SLC11A2: variants seen among roughly 807,000 people sequenced by gnomAD.
The protein encoded by SLC11A2 is solute carrier family 11 member 2, also known as natural resistance-associated macrophage protein 2.
Under a neutral mutation model 68.0 loss-of-function variants are expected in SLC11A2, and 38 were observed. That is an observed-to-expected ratio of 0.56 (90% CI 0.43 to 0.73). The LOEUF (loss-of-function observed/expected upper bound fraction) is 0.73. SLC11A2 is among the 30% of genes least tolerant of loss of function. The pLI, the probability that SLC11A2 is intolerant of heterozygous loss-of-function variation, is 0.00. For missense variants in SLC11A2, 517 were observed against 690.5 expected (o/e 0.75, Z 2.82); for synonymous variants, 242 against 250.6 (o/e 0.97, Z 0.32).
rs886049559 is a variant in SLC11A2, at chr12:50,986,726, G to A, written c.*1599C>T. ...CAGATATGAAGAGGAATGGTTAGGG[G>A]AATTGTCATTCATAACTCTGTGCTA... On this transcript the variant is annotated 3_prime_UTR_variant, in exon 16 of 16. Transcript: ENST00000262052. The A allele has an allele frequency of 1.3e-5, 17 of 1,287,004 alleles. No homozygotes were observed. The Admixed American group carries it at 3.2e-4, about 24-fold the overall frequency. The allele number at this position is 1,287,004 out of a possible 1,614,324, so 79.7% of individuals were successfully genotyped here. A position where few individuals can be genotyped will look rare whatever the true frequency, so the allele number is the denominator to read the frequency against.
intron 2 of SLC11A2, chr12:51,009,199 C>G: frequency 6.8e-7 from 1 of 1,471,200 alleles, no homozygotes; most frequent in Non-Finnish European, 9.0e-7. Flanking sequence ...ACAGTTCAGG[C>G]TAAACTCTGA....
intron 1 of SLC11A2, chr12:51,025,807 C>T (rs1275540546): frequency 3.0e-6 from 3 of 986,512 alleles, no homozygotes; most frequent in East Asian, 2.3e-4. Flanking sequence ...GCTATTCACA[C>T]AGAAGGCGCT....
the SLC11A2 span, among the ~76,000 whole-genome samples, chr12:50,968,141 G>A: frequency 2.0e-5 from 3 of 152,174 alleles, no homozygotes; most frequent in East Asian, 5.8e-4. Context: ...TGAGGAGGAG[G>A]AGGAGAAGGG....
Position 50,987,318 on chromosome 12 carries a change from T to C in SLC11A2, c.*1007A>G, listed in dbSNP as rs886049560. 67 of 1,287,098 alleles carry C rather than the reference T, an allele frequency of 5.2e-5. No individual in the cohort carries two copies. Among genetic ancestry groups the C allele is most frequent in the Middle Eastern group, 3.2e-4 (1 of 3,086 alleles). The allele number at this position is 1,287,098 out of a possible 1,614,324, so 79.7% of individuals were successfully genotyped here. On this transcript the variant is annotated 3_prime_UTR_variant, in exon 16 of 16. Transcript: ENST00000262052. ...ACGGTTAAGTCCACAGCTCCTGAGA[T>C]TGCCTCGCAAGTCATCTTGGGCATG...
At chr12:51,019,638 A>G (rs1293665087) in intron 1 of SLC11A2, among the ~76,000 whole-genome samples, 1 of 148,690 alleles carries the variant, frequency 6.7e-6, no homozygotes, top group East Asian at 2.0e-4. Context: ...AAAAATATCC[A>G]TCCAACTTTT....
chr12:51,001,665 G>GA (rs945018568), intron 5 of SLC11A2, among the ~76,000 whole-genome samples: 58 of 144,184 alleles, frequency 4.0e-4, no homozygotes, highest in African/African-American at 1.2e-3. Flanking sequence ...AAAATTATAG[G>GA]AAAAAAAAAA....
At chr12:50,981,707 G>GAACTGAC, downstream of SLC11A2, 1 of 1,490,610 alleles carries the variant, frequency 6.7e-7, no homozygotes, top group Non-Finnish European at 9.1e-7. Context: ...TGTTCTTATA[G>GAACTGAC]AGTCTCTCAG....
Position 50,987,947 on chromosome 12 carries a change from T to G in SLC11A2, c.*378A>C, listed in dbSNP as rs1019426878. Reference sequence around the variant, plus strand: ...TAAAACTTGCATACTCATTCTGTAGTTTGTATAATAAAAAATGTATTGCAT... The same window carrying G: ...TAAAACTTGCATACTCATTCTGTAGGTTGTATAATAAAAAATGTATTGCAT... On this transcript the variant is annotated 3_prime_UTR_variant, in exon 16 of 16. Transcript: ENST00000262052. 43 of 1,285,012 alleles carry G rather than the reference T, an allele frequency of 3.3e-5. No homozygotes were observed. The highest frequency in any genetic ancestry group is 4.1e-5 in the Non-Finnish European group (40 of 986,876). 79.6% of individuals were successfully genotyped at this position (1,285,012 alleles called of 1,614,324 possible).
At chr12:50,981,473 G>T, downstream of SLC11A2, 1 of 369,598 alleles carries the variant, frequency 2.7e-6, no homozygotes, top group East Asian at 5.2e-5. Flanking sequence ...CAAGACACAA[G>T]CCCATAGGGG....
downstream of SLC11A2, among the ~76,000 whole-genome samples, chr12:50,975,023 T>A (rs1430217341): frequency 6.6e-6 from 1 of 152,062 alleles, no homozygotes; most frequent in African/African-American, 2.4e-5. Context: ...AGACTTAGAC[T>A]CCCACACAAT....
intron 8 of SLC11A2, among the ~76,000 whole-genome samples, chr12:50,998,451 A>T (rs1358612742): frequency 6.6e-6 from 1 of 152,178 alleles, no homozygotes; most frequent in Non-Finnish European, 1.5e-5. Flanking sequence ...CTGTTCACCC[A>T]TGTTCATTTA....
intron 1 of SLC11A2, among the ~76,000 whole-genome samples, chr12:51,015,252 G>A (rs1326506549): frequency 1.3e-5 from 2 of 151,098 alleles, no homozygotes; most frequent in Admixed American, 1.3e-4. Context: ...GAGGCAGGCG[G>A]ATCACCTGAG....
chr12:51,009,485 T>G (rs919238576), intron 2 of SLC11A2, among the ~76,000 whole-genome samples: 1 of 152,214 alleles, frequency 6.6e-6, no homozygotes, highest in Non-Finnish European at 1.5e-5. Flanking sequence ...AATCTCTGTG[T>G]TTGCAATAAA....
intron 9 of SLC11A2, 85 bp downstream of exon 9, chr12:50,996,732 G>A: frequency 3.6e-6 from 5 of 1,397,896 alleles, no homozygotes; most frequent in Non-Finnish European, 5.1e-6. Context: ...CCTAATAATT[G>A]TAAACTAACT....
At chr12:50,964,407 T>A in the SLC11A2 span, among the ~76,000 whole-genome samples, 13 of 152,358 alleles carry the variant, frequency 8.5e-5, no homozygotes, top group East Asian at 2.5e-3. Context: ...CTGTGTTGGA[T>A]TTAGTTTTCC....
the SLC11A2 span, among the ~76,000 whole-genome samples, chr12:50,952,809 G>C: frequency 6.6e-6 from 1 of 152,190 alleles, no homozygotes; most frequent in Non-Finnish European, 1.5e-5. Context: ...AGGATGGCAA[G>C]AATCCTGGCC....
In SLC11A2 at chr12:51,004,855, A is replaced by G; in HGVS notation, c.362T>C (p.Leu121Pro). Residue 121 changes from leucine to proline, a missense_variant, in exon 5 of 16, where the codon CTT (leucine) becomes CCT (proline). Coordinates refer to ENST00000262052, the MANE Select transcript of SLC11A2 (RefSeq NM_000617.3). Reference protein sequence around the residue: ...ATLVGLLLQRLAARLGVVTGL... With the variant: ...ATLVGLLLQRPAARLGVVTGL... ...AGTAACCACTCCCAGTCTAGCTGCA[A>G]GCCGCTGGAGCAGCAGCCCCACAAG... 1 of 1,614,118 alleles carries G rather than the reference A, an allele frequency of 6.2e-7. No homozygotes were observed.
intron 1 of SLC11A2, among the ~76,000 whole-genome samples, chr12:51,025,450 T>C (rs1944318525): frequency 6.6e-6 from 1 of 152,226 alleles, no homozygotes; most frequent in African/African-American, 2.4e-5. Context: ...TCATGCGAAC[T>C]GGTGGGGCTT....
At chr12:50,985,335 C>G (rs1180136980), downstream of SLC11A2, among the ~76,000 whole-genome samples, 2 of 152,240 alleles carry the variant, frequency 1.3e-5, no homozygotes, top group East Asian at 3.9e-4. Context: ...TGAGGAAGGA[C>G]AACATGGAGA....
Sources: gnomAD v4.1 joint callset for allele counts (sites outside exome capture counted in the v4.1 genomes callset) on GRCh38, gnomAD v4.1.1 for gene constraint, MANE v1.5 for transcripts, NCBI Gene and HGNC (gene_info 2026-07-23, HGNC 2026-07-21) for gene names.